The following NEBL variants were observed in gnomAD, a reference collection of about 807,000 sequenced individuals.
NEBL encodes nebulette.
In NEBL, 122 loss-of-function variants were observed where a neutral mutation model predicts 140.2. The ratio of observed to expected loss-of-function variants is 0.87; its 90% CI spans 0.75 to 1.01. NEBL has a LOEUF of 1.01. Ranked by LOEUF, NEBL falls within the 50% of genes least tolerant of loss-of-function variation. The probability of loss-of-function intolerance (pLI) is 0.00; values close to 1 mark genes in which losing one functional copy is unlikely to be tolerated. For missense variants in NEBL, 1,365 were observed against 1,231.3 expected (o/e 1.11, Z -1.62); for synonymous variants, 436 against 398.9 (o/e 1.09, Z -1.11).
At chr10:20,902,533 G>A (rs953566159) in intron 4 of NEBL, among the ~76,000 whole-genome samples, 1 of 152,136 alleles carries the variant, frequency 6.6e-6, no homozygotes, top group African/African-American at 2.4e-5. Flanking sequence ...ACAAGAAACT[G>A]GAAATAGTAT....
At chr10:20,950,622 T>A (rs138756056) in intron 4 of NEBL, among the ~76,000 whole-genome samples, 2 of 152,322 alleles carry the variant, frequency 1.3e-5, no homozygotes, top group African/African-American at 4.8e-5. Flanking sequence ...GTTTCATGAA[T>A]AAAGGTGTAT....
intron 1 of NEBL, among the ~76,000 whole-genome samples, chr10:21,267,210 A>G (rs936849197): frequency 4.6e-5 from 7 of 152,282 alleles, no homozygotes; most frequent in African/African-American, 1.7e-4. Flanking sequence ...TCCTGACCTC[A>G]GGTGATCCGC....
chr10:20,849,043 TTATTCA>T (rs1842236164), intron 11 of NEBL, among the ~76,000 whole-genome samples: 1 of 152,198 alleles, frequency 6.6e-6, no homozygotes, highest in South Asian at 2.1e-4. Context: ...AGAAAGGATC[TTATTCA>T]TTGAGCATGC....
chr10:21,013,044 T>C (rs1838407589), intron 3 of NEBL, among the ~76,000 whole-genome samples: 1 of 152,164 alleles, frequency 6.6e-6, no homozygotes. Flanking sequence ...TACTGACATT[T>C]TTGTCTCTTA....
At chr10:20,982,728 C>G (rs957981494) in intron 3 of NEBL, among the ~76,000 whole-genome samples, 5 of 152,030 alleles carry the variant, frequency 3.3e-5, no homozygotes, top group African/African-American at 4.8e-5. Flanking sequence ...GCCTTCCCCC[C>G]CAAAAAATTT....
chr10:20,891,880 T>A (rs889031239), intron 2 of NEBL, among the ~76,000 whole-genome samples: 16 of 152,182 alleles, frequency 1.1e-4, no homozygotes, highest in Admixed American at 6.5e-5. Flanking sequence ...GTTAGATTTT[T>A]AAATACATAA....
chr10:20,793,603 G>C (rs1040727951), intron 26 of NEBL, among the ~76,000 whole-genome samples: 8 of 151,310 alleles, frequency 5.3e-5, no homozygotes, highest in African/African-American at 1.9e-4. Context: ...ACCCAGGCTG[G>C]AGTGCAGTGA....
intron 2 of NEBL, among the ~76,000 whole-genome samples, chr10:21,155,935 T>C (rs7093475): frequency 0.025 from 3,781 of 152,032 alleles, 142 homozygotes; most frequent in African/African-American, 0.085. Flanking sequence ...AGAGGTGGAG[T>C]TGGCCCCCAC....
In NEBL at chr10:21,169,065, AAAATATATATATATATATATATAT is replaced by A. The variant is rs1300449042; in HGVS notation, c.164+3294_164+3317del. 2.9e-3 allele frequency among the ~76,000 whole-genome samples: 83 copies of A among 28,570 alleles called. 1 individual carries two copies. The highest frequency in any genetic ancestry group is 2.8e-3 in the Admixed American group (6 of 2,120). The allele number at this position is 28,570 out of a possible 152,430, so 18.7% of individuals were successfully genotyped here. ...CTCCGTCTACAAAAAAAAAAAAAAAAAAATATATATATATATATATATATATATATATATATATATATTTGGACA... is the reference window on the plus strand; with the variant it reads ...CTCCGTCTACAAAAAAAAAAAAAAAAATATATATATATATATATTTGGACA... On this transcript the variant is annotated intron_variant, in intron 2 of 6. Coordinates refer to the NEBL transcript ENST00000417816.
At chr10:21,003,879 G>A (rs1838008853) in intron 3 of NEBL, among the ~76,000 whole-genome samples, 1 of 152,068 alleles carries the variant, frequency 6.6e-6, no homozygotes, top group Non-Finnish European at 1.5e-5. Context: ...GTATGAAAGG[G>A]AATAAAAAAT....
chr10:20,943,730 C>T (rs1438767890), intron 4 of NEBL, among the ~76,000 whole-genome samples: 2 of 152,192 alleles, frequency 1.3e-5, no homozygotes, highest in East Asian at 1.9e-4. Context: ...ATCAAGTCCT[C>T]GATTCCTTAC....
intron 4 of NEBL, among the ~76,000 whole-genome samples, chr10:20,881,268 G>A (rs1845990482): frequency 6.6e-6 from 1 of 152,162 alleles, no homozygotes. Context: ...GGGAATTATA[G>A]GATATTTGAA....
intron 4 of NEBL, among the ~76,000 whole-genome samples, chr10:20,937,744 T>C (rs941029161): frequency 1.3e-5 from 2 of 152,166 alleles, no homozygotes; most frequent in Non-Finnish European, 2.9e-5. Flanking sequence ...CCCACCCTAA[T>C]ACAGCACTTT....
intron 3 of NEBL, among the ~76,000 whole-genome samples, chr10:21,194,095 C>T (rs1564540545): frequency 6.6e-6 from 1 of 152,100 alleles, no homozygotes; most frequent in African/African-American, 2.4e-5. Context: ...CCTCCTCAGA[C>T]TCCTGAGTAG....
Position 20,889,495 on chromosome 10 carries a change from T to C in NEBL, c.258+350A>G, listed in dbSNP as rs79225043. On this transcript the variant is annotated intron_variant, in intron 3 of 27. Coordinates refer to ENST00000377122, the MANE Select transcript of NEBL (RefSeq NM_006393.3). The stretch of plus-strand genomic sequence containing the variant: ...ATGATATTCAATCATTTATCTCTGA[T>C]ATATCTATTAGGAAACAAAATAATG... Among the ~76,000 whole-genome samples the C allele has an allele frequency of 2.3e-3, 354 of 152,288 alleles. 9 individuals are homozygous for C. The East Asian group carries it at 0.053, about 23-fold the overall frequency.
At chr10:21,006,496 C>T (rs531670760) in intron 3 of NEBL, among the ~76,000 whole-genome samples, 1 of 152,300 alleles carries the variant, frequency 6.6e-6, no homozygotes, top group South Asian at 2.1e-4. Flanking sequence ...TCCGTGAGAC[C>T]TGTAAATCCA....
chr10:21,253,353 G>C (rs941305368), intron 1 of NEBL, among the ~76,000 whole-genome samples: 2 of 152,110 alleles, frequency 1.3e-5, no homozygotes, highest in African/African-American at 4.8e-5. Flanking sequence ...GTCACAAATA[G>C]AGAGAGATTT....
intron 3 of NEBL, among the ~76,000 whole-genome samples, chr10:20,970,848 T>C (rs1430002685): frequency 6.6e-6 from 1 of 152,158 alleles, no homozygotes; most frequent in Non-Finnish European, 1.5e-5. Flanking sequence ...CCAGATGTTA[T>C]CTTTCAATTT....
intron 3 of NEBL, among the ~76,000 whole-genome samples, chr10:21,000,552 CAGG>C (rs1361739508): frequency 6.6e-6 from 1 of 152,022 alleles, no homozygotes; most frequent in Non-Finnish European, 1.5e-5. Context: ...ATGAGTCAAG[CAGG>C]AGACCAGCCT....
Sources: allele counts gnomAD v4.1 joint callset (sites outside exome capture counted in the v4.1 genomes callset), GRCh38; gene constraint gnomAD v4.1.1; transcripts MANE v1.5; gene names NCBI Gene and HGNC (gene_info 2026-07-23, HGNC 2026-07-21).